Variants in GMCL1 observed in about 807,000 individuals in gnomAD.
GMCL1 encodes the protein germ cell-less protein-like 1.
A neutral mutation model predicts 75.5 loss-of-function variants in GMCL1; 54 were observed. The observed-to-expected ratio is 0.71, with a 90% confidence interval of 0.57 to 0.90. The LOEUF (loss-of-function observed/expected upper bound fraction) is 0.90. Ranked by LOEUF, GMCL1 falls within the 40% of genes least tolerant of loss-of-function variation. The pLI is 0.00. For missense variants in GMCL1, 537 were observed against 622.7 expected, an observed-to-expected ratio of 0.86 and a Z score of 1.47; for synonymous variants, 210 against 209.6, an observed-to-expected ratio of 1.00 and a Z score of -0.02.
Position 69,871,741 on chromosome 2 carries a change from C to A in GMCL1, c.1365-4C>A. The A allele has an allele frequency of 1.4e-6, 2 of 1,455,378 alleles. No homozygotes were observed. The highest frequency in any genetic ancestry group is 1.9e-6 in the Non-Finnish European group (2 of 1,064,148). 90.2% of individuals were successfully genotyped at this position (1,455,378 alleles called of 1,614,324 possible). A position where few individuals can be genotyped will look rare whatever the true frequency, so the allele number is the denominator to read the frequency against. On this transcript the variant is annotated splice_region_variant and splice_polypyrimidine_tract_variant and intron_variant, in intron 12 of 13. Transcript: ENST00000282570. ...TTTATTTTTTATTTTTTTTTTAATC[C>A]TAGATTACGTTTGGCTTCTTTTGAT...
chr2:69,878,390 TCAGGAGGCTGAGG>T (rs1228788731), intron 13 of GMCL1, among the ~76,000 whole-genome samples: 1 of 152,100 alleles, frequency 6.6e-6, no homozygotes, highest in Non-Finnish European at 1.5e-5. Flanking sequence ...TCCCAGCTAC[TCAGGAGGCTGAGG>T]CGGGAGGATG....
rs1440370797 is a variant in GMCL1, at chr2:69,880,618, G to C, written c.*1614G>C. ...GCACTTTGGGAGGCCGAGGCAGGCA[G>C]ATCATCTGAGGTCAGGAGTTTAAGA... On this transcript the variant is annotated 3_prime_UTR_variant, in exon 14 of 14. Transcript: ENST00000282570. 2 of 152,276 alleles carry C rather than the reference G, an allele frequency of 1.3e-5. No individual in the cohort carries two copies. Among genetic ancestry groups the C allele is most frequent in the Non-Finnish European group, 2.9e-5 (2 of 68,120 alleles). 9.4% of individuals were successfully genotyped at this position (152,276 alleles called of 1,614,324 possible). A position where few individuals can be genotyped will look rare whatever the true frequency, so the allele number is the denominator to read the frequency against.
intron 13 of GMCL1, among the ~76,000 whole-genome samples, chr2:69,877,570 G>C (rs1676158817): frequency 6.6e-6 from 1 of 152,178 alleles, no homozygotes. Flanking sequence ...AGCATCTGAA[G>C]ACCAACCATG....
At chr2:69,863,259 T>C (rs1675711662) in intron 10 of GMCL1, among the ~76,000 whole-genome samples, 1 of 152,182 alleles carries the variant, frequency 6.6e-6, no homozygotes, top group Non-Finnish European at 1.5e-5. Flanking sequence ...GAAAAATCTG[T>C]ATAAATGGAC....
intron 2 of GMCL1, 41 bp from the exon 3 acceptor site, chr2:69,839,416 A>C: frequency 1.6e-6 from 2 of 1,234,686 alleles, no homozygotes; most frequent in Non-Finnish European, 2.3e-6. Context: ...TGGAAGACAC[A>C]GAAAGTACTT....
chr2:69,832,235 A>T lies in GMCL1; in HGVS notation c.260+2083A>T, dbSNP rs1345094047. Among the ~76,000 whole-genome samples the T allele has an allele frequency of 3.3e-5, 5 of 152,078 alleles. No individual in the cohort carries two copies. In the East Asian group the frequency reaches 7.7e-4, roughly 23 times the overall value. ...ACTCTGTCTCAAAAAAAAAAAAAAA[A>T]TTCTGACTTCTTGTCTGTATTCTGC... On this transcript the variant is annotated intron_variant, in intron 1 of 13. Transcript: ENST00000282570.
intron 7 of GMCL1, 30 bp downstream of exon 7, chr2:69,847,657 CAAGGAT>C: frequency 3.8e-6 from 5 of 1,322,468 alleles, no homozygotes; most frequent in Non-Finnish European, 5.5e-6. Flanking sequence ...TCATATTATA[CAAGGAT>C]GTCACCTCAG....
At chr2:69,846,571 C>T (rs6546551) in intron 6 of GMCL1, among the ~76,000 whole-genome samples, 90,794 of 152,048 alleles carry the variant, frequency 0.6, 29,613 homozygotes, top group African/African-American at 0.86. Flanking sequence ...TAATTTCTCA[C>T]TGAACTTTTT....
intron 12 of GMCL1, among the ~76,000 whole-genome samples, 178 bp from the exon 13 acceptor site, chr2:69,871,567 T>C (rs1173463201): frequency 1.3e-5 from 2 of 152,214 alleles, no homozygotes; most frequent in East Asian, 3.8e-4. Context: ...TGGCCAGATA[T>C]GTATAATAGC....
rs551404372 is a variant in GMCL1, at chr2:69,869,611, G to A, written c.1219-108G>A. Reference sequence around the variant, plus strand: ...CACTGACAAAAAGTCGACCACCCATGAGGGAAATACTTGGAATGAGTTAGA... The same window carrying A: ...CACTGACAAAAAGTCGACCACCCATAAGGGAAATACTTGGAATGAGTTAGA... On this transcript the variant is annotated intron_variant, in intron 11 of 13. Transcript: ENST00000282570. 4.2e-5 allele frequency: 46 copies of A among 1,085,992 alleles called. 1 individual carries two copies. The South Asian group carries it at 6.4e-4, about 15-fold the overall frequency. 67.3% of individuals were successfully genotyped at this position (1,085,992 alleles called of 1,614,324 possible).
rs553472336 is a variant in GMCL1 at position 69,877,293 on chromosome 2, T to C, written c.1453-1616T>C. Among the ~76,000 whole-genome samples, 40 of 152,340 alleles carry C rather than the reference T, an allele frequency of 2.6e-4. 1 individual carries two copies. In the South Asian group the frequency reaches 4.8e-3, roughly 18 times the overall value. On this transcript the variant is annotated intron_variant, in intron 13 of 13. Transcript: ENST00000282570. ...ATTAATACAATTTAATATTCAAAAATTGGTGTATCCATTCAGCCAAGTGAT... is the reference window on the plus strand; with the variant it reads ...ATTAATACAATTTAATATTCAAAAACTGGTGTATCCATTCAGCCAAGTGAT...
intron 9 of GMCL1, among the ~76,000 whole-genome samples, chr2:69,858,445 C>T (rs183576284): frequency 2.6e-5 from 4 of 152,168 alleles, no homozygotes; most frequent in African/African-American, 9.7e-5. Context: ...AGAATCTTTC[C>T]AGCTAACAGT....
Position 69,879,630 on chromosome 2 carries a change from T to A in GMCL1, c.*626T>A, listed in dbSNP as rs1251218344. On this transcript the variant is annotated 3_prime_UTR_variant, in exon 14 of 14. Transcript: ENST00000282570. ...TAAGCTGATAAACTTTTTTTAAAAC[T>A]TAAGCATTGTCATTGCTATTTTTTT... The A allele has an allele frequency of 6.6e-6, 1 of 152,222 alleles. No homozygotes were observed. The highest frequency in any genetic ancestry group is 6.5e-5 in the Admixed American group (1 of 15,288). The allele number at this position is 152,222 out of a possible 1,614,324, so 9.4% of individuals were successfully genotyped here. A position where few individuals can be genotyped will look rare whatever the true frequency, so the allele number is the denominator to read the frequency against.
chr2:69,847,861 C>T (rs1431011535), intron 7 of GMCL1, among the ~76,000 whole-genome samples: 1 of 152,040 alleles, frequency 6.6e-6, no homozygotes, highest in Admixed American at 6.6e-5. Flanking sequence ...TTTTCCCAGA[C>T]TTTTCTTTAA....
intron 6 of GMCL1, among the ~76,000 whole-genome samples, chr2:69,846,425 T>A (rs899192288): frequency 6.6e-6 from 1 of 152,178 alleles, no homozygotes; most frequent in African/African-American, 2.4e-5. Context: ...TAGAGATGAT[T>A]TAAAGTATAT....
intron 3 of GMCL1, among the ~76,000 whole-genome samples, chr2:69,840,537 A>C (rs1280469509): frequency 6.6e-6 from 1 of 152,230 alleles, no homozygotes; most frequent in Non-Finnish European, 1.5e-5. Context: ...GACAGGACTC[A>C]GGAGCTGTAC....
At chr2:69,861,196 C>A in intron 9 of GMCL1, 82 bp from the exon 10 acceptor site, 1 of 1,015,588 alleles carries the variant, frequency 9.8e-7, no homozygotes, top group Non-Finnish European at 1.5e-6. Flanking sequence ...GAAATGGTAA[C>A]AATTTTGTCA....
At chr2:69,835,402 T>C (rs1236679447) in intron 1 of GMCL1, among the ~76,000 whole-genome samples, 1 of 152,068 alleles carries the variant, frequency 6.6e-6, no homozygotes, top group African/African-American at 2.4e-5. Flanking sequence ...TTCCCTGAAT[T>C]ATATGTTTCC....
In GMCL1 at chr2:69,839,038, C is replaced by T. The variant is rs1674903490; in HGVS notation, c.385-419C>T. On this transcript the variant is annotated intron_variant, in intron 2 of 13. Coordinates refer to ENST00000282570, the MANE Select transcript of GMCL1 (RefSeq NM_178439.5). ...ATTCAGGTCCATTCTGGACATTTCT[C>T]ATTAAACTAAATTTTGGATTTTCCC... Among the ~76,000 whole-genome samples, 2 of 152,192 alleles carry T rather than the reference C, an allele frequency of 1.3e-5. 1 individual carries two copies. Among genetic ancestry groups the T allele is most frequent in the African/African-American group, 4.8e-5 (2 of 41,458 alleles).
Sources: allele counts gnomAD v4.1 joint callset (sites outside exome capture counted in the v4.1 genomes callset), GRCh38; gene constraint gnomAD v4.1.1; transcripts MANE v1.5; gene names NCBI Gene and HGNC (gene_info 2026-07-23, HGNC 2026-07-21).